BLM: variants seen among roughly 807,000 people sequenced by gnomAD.
BLM encodes BLM RecQ like helicase.
BLM carries 95 observed loss-of-function variants against 135.3 expected under a neutral mutation model. That is an observed-to-expected ratio of 0.70 (90% confidence interval 0.59 to 0.83). The LOEUF is 0.83. Among genes scored for constraint, BLM ranks in the 40% least tolerant of loss-of-function variants. The pLI, the probability that BLM is intolerant of heterozygous loss-of-function variation, is 0.00. For missense variants in BLM, 1,518 were observed against 1,663.9 expected, an observed-to-expected ratio of 0.91 and a Z score of 1.53; for synonymous variants, 520 against 589.2, an observed-to-expected ratio of 0.88 and a Z score of 1.70.
rs58836589 is a variant in BLM at position 90,757,241 on chromosome 15, C to T, written c.1087+2303C>T. 9.3e-3 allele frequency among the ~76,000 whole-genome samples: 1,419 copies of T among 152,190 alleles called. 18 individuals are homozygous for T. Among genetic ancestry groups the T allele is most frequent in the African/African-American group, 0.029 (1,207 of 41,494 alleles). On this transcript the variant is annotated intron_variant, in intron 5 of 21. Transcript: ENST00000355112. ...CTTTCAAATTTTTTGAAAATTAGAA[C>T]AATGTTTGTCTGTCCTCACTTTCCA...
chr15:90,781,275 T>C (rs1322064769), intron 12 of BLM, among the ~76,000 whole-genome samples: 1 of 152,182 alleles, frequency 6.6e-6, no homozygotes, highest in African/African-American at 2.4e-5. Context: ...GTGTCCAATC[T>C]TTTGGCTTCC....
chr15:90,767,066 T>G (rs755908635), intron 10 of BLM, 43 bp downstream of exon 10: 1 of 1,221,142 alleles, frequency 8.2e-7, no homozygotes, highest in Non-Finnish European at 1.2e-6. Context: ...TAAAGACCAC[T>G]AGAATACATA....
rs1314592673 is a variant in BLM, at chr15:90,815,153, C to T, written c.4128C>T (p.Ile1376=). The T allele has an allele frequency of 5.6e-6, 9 of 1,614,086 alleles. No homozygotes were observed. Among genetic ancestry groups the T allele is most frequent in the Non-Finnish European group, 6.8e-6 (8 of 1,180,038 alleles). ...KISSKTKSSS[I]IGSSSASHTS... ...CTTCCAAAACGAAATCCTCCAGCAT[C>T]ATTGGATCCAGTTCAGCCTCACATA... The change falls in exon 22 of 22, where the codon ATC becomes ATT. Residue 1376 remains isoleucine (I), a synonymous_variant. Coordinates refer to ENST00000355112, the MANE Select transcript of BLM (RefSeq NM_000057.4). The surrounding 1 kb of genome is among the most constrained non-coding windows in gnomAD (Gnocchi z 4.6).
intron 5 of BLM, among the ~76,000 whole-genome samples, chr15:90,755,637 T>C (rs1036921660): frequency 3.9e-5 from 6 of 152,346 alleles, no homozygotes; most frequent in Middle Eastern, 3.4e-3. Flanking sequence ...GACATTTTTC[T>C]GGCATTATTT....
intron 2 of BLM, among the ~76,000 whole-genome samples, chr15:90,747,880 T>C (rs997740466): frequency 1.3e-5 from 2 of 152,184 alleles, no homozygotes; most frequent in African/African-American, 4.8e-5. Context: ...CGATCTTGGC[T>C]CACTGCAAGC....
chr15:90,786,005 T>TC (rs1237140093), intron 14 of BLM, among the ~76,000 whole-genome samples: 1 of 139,944 alleles, frequency 7.1e-6, no homozygotes, highest in Non-Finnish European at 1.5e-5. Flanking sequence ...TTTCTTTTTT[T>TC]TTTTTTTTTT....
At chr15:90,765,057 A>T (rs1596233830) in intron 8 of BLM, among the ~76,000 whole-genome samples, 2 of 152,182 alleles carry the variant, frequency 1.3e-5, no homozygotes, top group East Asian at 1.9e-4. Flanking sequence ...CAACAGAATG[A>T]GACTCTGTCT....
chr15:90,731,897 AC>A (rs1459567921), intron 1 of BLM, among the ~76,000 whole-genome samples: 1 of 152,082 alleles, frequency 6.6e-6, no homozygotes, highest in Non-Finnish European at 1.5e-5. Flanking sequence ...ATGAGGTTTC[AC>A]CATGTTGCCA....
Position 90,789,123 on chromosome 15 carries a change from C to G in BLM, c.2824-1526C>G, listed in dbSNP as rs573793304. On this transcript the variant is annotated intron_variant, in intron 14 of 21. Transcript: ENST00000355112. Reference sequence around the variant, plus strand: ...TTATAAAAACCTAATTATTTCTGCTCTCAGACTAATTAATCCTTACAGTCA... The same window carrying G: ...TTATAAAAACCTAATTATTTCTGCTGTCAGACTAATTAATCCTTACAGTCA... 4.6e-5 allele frequency among the ~76,000 whole-genome samples: 7 copies of G among 152,038 alleles called. No homozygotes were observed. The South Asian group carries it at 1.3e-3, about 27-fold the overall frequency.
chr15:90,815,517 A>G lies in BLM; in HGVS notation c.*238A>G. ...CGTTGTTTCTCAGAACGTCTGAGGCAGCAGCTGAATCATCTCAGTGCAAGA... is the reference window on the plus strand; with the variant it reads ...CGTTGTTTCTCAGAACGTCTGAGGCGGCAGCTGAATCATCTCAGTGCAAGA... On this transcript the variant is annotated 3_prime_UTR_variant, in exon 22 of 22. Transcript: ENST00000355112. This position sits in a 1 kb window ranked among gnomAD's most constrained non-coding sequence, Gnocchi z 4.6. 1 of 536,938 alleles carries G rather than the reference A, an allele frequency of 1.9e-6. No homozygotes were observed. Among genetic ancestry groups the G allele is most frequent in the East Asian group, 3.3e-5 (1 of 30,278 alleles). The allele number at this position is 536,938 out of a possible 1,614,324, so 33.3% of individuals were successfully genotyped here. A position where few individuals can be genotyped will look rare whatever the true frequency, so the allele number is the denominator to read the frequency against.
chr15:90,733,540 C>T (rs1895121356), intron 1 of BLM, among the ~76,000 whole-genome samples: 1 of 152,152 alleles, frequency 6.6e-6, no homozygotes, highest in South Asian at 2.1e-4. Flanking sequence ...TTCCAAATGG[C>T]TTGGTATTGT....
intron 1 of BLM, among the ~76,000 whole-genome samples, chr15:90,735,236 A>AATAT (rs60589046): frequency 0.052 from 5,621 of 107,866 alleles, 222 homozygotes; most frequent in Middle Eastern, 0.076. Flanking sequence ...TGCCTAAGTT[A>AATAT]ATATATATAT....
In BLM at chr15:90,811,199, T is replaced by C. The variant is rs1021714718; in HGVS notation, c.3875-6T>C. ...ACCTGTAAACATCTGCATTTTCCAT[T>C]TGTAGCTGAAGACAGTTCCCCAGGG... On this transcript the variant is annotated splice_region_variant and splice_polypyrimidine_tract_variant and intron_variant, in intron 20 of 21. Transcript: ENST00000355112. The C allele has an allele frequency of 3.1e-6, 5 of 1,612,642 alleles. No individual in the cohort carries two copies. The African/African-American group carries it at 5.3e-5, about 17-fold the overall frequency.
chr15:90,802,102 G>C (rs1442146638), intron 17 of BLM, among the ~76,000 whole-genome samples: 1 of 152,132 alleles, frequency 6.6e-6, no homozygotes, highest in African/African-American at 2.4e-5. Flanking sequence ...GTTGTCCTCA[G>C]CAGTAAGGTT....
intron 19 of BLM, among the ~76,000 whole-genome samples, chr15:90,805,217 C>CAT (rs139401837): frequency 0.15 from 23,243 of 151,290 alleles, 1,898 homozygotes; most frequent in Non-Finnish European, 0.19. Context: ...TGTTCTTTAA[C>CAT]ATATATATAG....
rs1555419934 is a variant in BLM at position 90,761,001 on chromosome 15, TAGAAAG to T, written c.1634_1639del (p.Arg545_Glu546del). ...AAACATACTGCTTCAATAAATGACT[TAGAAAG>T]AGAAACCCAACCTTCCTATGATATT... On this transcript the variant is annotated inframe_deletion, in exon 7 of 22. Transcript: ENST00000355112. The T allele has an allele frequency of 6.2e-7, 1 of 1,608,616 alleles. No individual in the cohort carries two copies. The highest frequency in any genetic ancestry group is 8.5e-7 in the Non-Finnish European group (1 of 1,178,046).
In BLM at chr15:90,785,031, T is replaced by G. The variant is rs1896710618; in HGVS notation, c.2773T>G (p.Ser925Ala). The change falls in exon 14 of 22, where the codon TCT (serine) becomes GCT (alanine). Residue 925 changes from serine (S) to alanine (A), a missense_variant. Transcript: ENST00000355112. ...ALAYHAGLSDSARDEVQQKWI... is the reference protein window; with the variant it reads ...ALAYHAGLSDAARDEVQQKWI... Reference sequence around the variant, plus strand: ...TGCTTACCATGCTGGCCTCAGTGATTCTGCCAGAGATGAAGTGCAGCAGAA... The same window carrying G: ...TGCTTACCATGCTGGCCTCAGTGATGCTGCCAGAGATGAAGTGCAGCAGAA... 1 of 1,614,196 alleles carries G rather than the reference T, an allele frequency of 6.2e-7. No individual in the cohort carries two copies. Among genetic ancestry groups the G allele is most frequent in the Non-Finnish European group, 8.5e-7 (1 of 1,180,034 alleles).
intron 4 of BLM, among the ~76,000 whole-genome samples, chr15:90,753,550 CTCTCTT>C (rs966617224): frequency 6.6e-6 from 1 of 152,172 alleles, no homozygotes; most frequent in African/African-American, 2.4e-5. Context: ...CCAAGGTAGA[CTCTCTT>C]TGTACATTTC....
chr15:90,761,302 C>T, intron 7 of BLM, 47 bp downstream of exon 7: 1 of 1,317,918 alleles, frequency 7.6e-7, no homozygotes, highest in Non-Finnish European at 1.0e-6. Context: ...AAAACTGTCC[C>T]AAAATAGGAA....
Sources: allele counts gnomAD v4.1 joint callset (sites outside exome capture counted in the v4.1 genomes callset), GRCh38; gene constraint gnomAD v4.1.1; non-coding constraint Gnocchi (gnomAD v3.1); transcripts MANE v1.5; gene names NCBI Gene and HGNC (gene_info 2026-07-23, HGNC 2026-07-21).